Variants in CRB1 observed in about 807,000 individuals in gnomAD.
CRB1 encodes the protein crumbs cell polarity complex component 1.
In CRB1, 83 loss-of-function variants were observed where a neutral mutation model predicts 120.0. The ratio of observed to expected loss-of-function variants is 0.69; its 90% CI spans 0.58 to 0.83. The LOEUF (loss-of-function observed/expected upper bound fraction) is 0.83. Among genes scored for constraint, CRB1 ranks in the 40% least tolerant of loss-of-function variants. The pLI is 0.00. For synonymous variants in CRB1, 625 were observed against 612.5 expected, an observed-to-expected ratio of 1.02 and a Z score of -0.30; for missense variants, 1,699 against 1,687.6, an observed-to-expected ratio of 1.01 and a Z score of -0.12.
chr1:197,354,000 C>A (rs1660271760), intron 4 of CRB1, among the ~76,000 whole-genome samples: 1 of 133,438 alleles, frequency 7.5e-6, no homozygotes, highest in Non-Finnish European at 1.6e-5. Context: ...ATGAAAAAAA[C>A]AGGAAAAAAT....
chr1:197,359,513 C>T (rs1188797588), intron 5 of CRB1, among the ~76,000 whole-genome samples: 4 of 152,016 alleles, frequency 2.6e-5, no homozygotes, highest in South Asian at 4.1e-4. Flanking sequence ...TTTCAGTTTT[C>T]GGCTATTAAT....
At chr1:197,286,684 C>A (rs1278881826) in intron 1 of CRB1, among the ~76,000 whole-genome samples, 1 of 151,880 alleles carries the variant, frequency 6.6e-6, no homozygotes, top group East Asian at 1.9e-4. Context: ...ATTGTAGGCG[C>A]TTAGTGTCTG....
chr1:197,471,785 A>G (rs1445731189), intron 11 of CRB1, among the ~76,000 whole-genome samples: 3 of 152,222 alleles, frequency 2.0e-5, no homozygotes, highest in Non-Finnish European at 2.9e-5. Flanking sequence ...CAATATTACT[A>G]TGGAAACGGC....
intron 11 of CRB1, among the ~76,000 whole-genome samples, chr1:197,460,157 T>C (rs572864032): frequency 6.6e-6 from 1 of 151,872 alleles, no homozygotes; most frequent in South Asian, 2.1e-4. Flanking sequence ...ATGATCAGAT[T>C]AAGTCTTCTT....
chr1:197,254,193 G>A, the CRB1 span, among the ~76,000 whole-genome samples: 1 of 152,100 alleles, frequency 6.6e-6, no homozygotes, highest in East Asian at 1.9e-4. Context: ...AGATTCTTCA[G>A]ACTTGTGTGC....
At chr1:197,406,819 G>C (rs1182882476) in intron 5 of CRB1, among the ~76,000 whole-genome samples, 2 of 151,978 alleles carry the variant, frequency 1.3e-5, no homozygotes, top group Non-Finnish European at 2.9e-5. Context: ...TTGCCGAATA[G>C]AGCACTTTAT....
intron 1 of CRB1, among the ~76,000 whole-genome samples, chr1:197,320,471 A>G (rs569853046): frequency 3.9e-5 from 6 of 152,190 alleles, no homozygotes; most frequent in Non-Finnish European, 7.3e-5. Flanking sequence ...AAAAACTGAC[A>G]TAGAAAAAAG....
intron 1 of CRB1, among the ~76,000 whole-genome samples, chr1:197,323,994 A>T (rs568037056): frequency 6.6e-6 from 1 of 152,322 alleles, no homozygotes; most frequent in East Asian, 1.9e-4. Flanking sequence ...GATATAGGGG[A>T]TTTAAAATAT....
At chr1:197,306,527 C>G (rs1191707663) in intron 1 of CRB1, among the ~76,000 whole-genome samples, 3 of 152,082 alleles carry the variant, frequency 2.0e-5, no homozygotes, top group African/African-American at 7.2e-5. Context: ...AATATATACT[C>G]AGAGGCAAAA....
the CRB1 span, among the ~76,000 whole-genome samples, chr1:197,205,147 C>A: frequency 6.6e-6 from 1 of 152,230 alleles, no homozygotes; most frequent in East Asian, 1.9e-4. Flanking sequence ...TTTATCAATT[C>A]TAGGAGCTTT....
chr1:197,243,150 G>T, the CRB1 span, among the ~76,000 whole-genome samples: 1 of 151,492 alleles, frequency 6.6e-6, no homozygotes, highest in Non-Finnish European at 1.5e-5. Flanking sequence ...TGATTTTTTT[G>T]AAGGGTTTTT....
At chr1:197,446,844 T>C (rs1045027329) in intron 11 of CRB1, among the ~76,000 whole-genome samples, 5 of 152,156 alleles carry the variant, frequency 3.3e-5, no homozygotes, top group African/African-American at 1.2e-4. Context: ...ATTGGATAAA[T>C]GAATGAATTT....
chr1:197,400,184 A>G (rs533026239), intron 5 of CRB1, among the ~76,000 whole-genome samples: 2 of 152,256 alleles, frequency 1.3e-5, no homozygotes, highest in South Asian at 4.1e-4. Context: ...TGTCCAATGG[A>G]TAAATGAACT....
intron 7 of CRB1, chr1:197,428,972 A>G: frequency 6.5e-7 from 1 of 1,533,026 alleles, no homozygotes; most frequent in Non-Finnish European, 8.7e-7. Flanking sequence ...TCTCTGATTC[A>G]GAGGCAGACC....
chr1:197,362,546 G>C (rs1182977008), intron 5 of CRB1, among the ~76,000 whole-genome samples: 1 of 151,842 alleles, frequency 6.6e-6, no homozygotes, highest in Non-Finnish European at 1.5e-5. Flanking sequence ...GTATTTTGAG[G>C]CTCTGTTGTT....
In CRB1 at chr1:197,459,864, G is replaced by A. The variant is rs544627611; in HGVS notation, c.4005+17572G>A. Among the ~76,000 whole-genome samples, 29 of 152,142 alleles carry A rather than the reference G, an allele frequency of 1.9e-4. No individual in the cohort carries two copies. In the South Asian group the frequency reaches 6.0e-3, roughly 32 times the overall value. On this transcript the variant is annotated intron_variant, in intron 11 of 11. Coordinates refer to ENST00000367400, the MANE Select transcript of CRB1 (RefSeq NM_201253.3). ...TATGTAGACAGAAAGTTTTTCCTGA[G>A]CAGATTTTTTTGGGAGTTTGGTTTT...
At chr1:197,323,158 G>A (rs979806503) in intron 1 of CRB1, among the ~76,000 whole-genome samples, 1 of 152,064 alleles carries the variant, frequency 6.6e-6, no homozygotes, top group African/African-American at 2.4e-5. Context: ...ATGTACAGTG[G>A]AATGAACTAG....
intron 5 of CRB1, among the ~76,000 whole-genome samples, chr1:197,382,643 A>G (rs1341115619): frequency 6.6e-6 from 1 of 152,214 alleles, no homozygotes; most frequent in African/African-American, 2.4e-5. Context: ...AAGCTGCAAA[A>G]TAGAAAATAT....
At chr1:197,313,566 C>T (rs753634273) in intron 1 of CRB1, among the ~76,000 whole-genome samples, 4 of 152,080 alleles carry the variant, frequency 2.6e-5, no homozygotes, top group African/African-American at 4.8e-5. Flanking sequence ...TATCAAATTG[C>T]GTTTTTGTAC....
Sources: allele counts gnomAD v4.1 joint callset (sites outside exome capture counted in the v4.1 genomes callset), GRCh38; gene constraint gnomAD v4.1.1; transcripts MANE v1.5; gene names NCBI Gene and HGNC (gene_info 2026-07-23, HGNC 2026-07-21).